The following RASSF3 variants were observed in gnomAD, a reference collection of about 807,000 sequenced individuals.
RASSF3 encodes the protein ras association domain-containing protein 3.
A neutral mutation model predicts 19.9 loss-of-function variants in RASSF3; 19 were observed. The observed-to-expected ratio is 0.96, with a 90% CI of 0.67 to 1.40. The LOEUF (loss-of-function observed/expected upper bound fraction) is 1.40. RASSF3 is among the 40% of genes most tolerant of loss of function. RASSF3 has a pLI of 0.00. For missense variants in RASSF3, 306 were observed against 289.8 expected (o/e 1.06, Z -0.41); for synonymous variants, 110 against 104.2 (o/e 1.06, Z -0.34).
chr12:64,594,889 A>G (rs1196068435), intron 2 of RASSF3, among the ~76,000 whole-genome samples: 4 of 151,922 alleles, frequency 2.6e-5, no homozygotes, highest in Non-Finnish European at 5.9e-5. Context: ...CTGGGACTAT[A>G]GGCAGGTACC....
At chr12:64,544,058 G>GA (rs1018819619), downstream of RASSF3, among the ~76,000 whole-genome samples, 1 of 152,162 alleles carries the variant, frequency 6.6e-6, no homozygotes, top group Admixed American at 6.5e-5. Flanking sequence ...CAGGCTGCCA[G>GA]AGCACGCCTT....
At chr12:64,680,044 C>T (rs1463092830) in intron 1 of RASSF3, among the ~76,000 whole-genome samples, 1 of 152,140 alleles carries the variant, frequency 6.6e-6, no homozygotes, top group Admixed American at 6.5e-5. Flanking sequence ...TGCTCTCACC[C>T]CTTTACCTGT....
chr12:64,641,418 G>A (rs56797884), intron 1 of RASSF3, among the ~76,000 whole-genome samples: 44,085 of 124,794 alleles, frequency 0.35, 6,943 homozygotes, highest in Non-Finnish European at 0.4. Flanking sequence ...ACACACACGC[G>A]CGCGCGCGCG....
chr12:64,556,923 G>A (rs1169831439), intron 2 of RASSF3, among the ~76,000 whole-genome samples: 3 of 143,892 alleles, frequency 2.1e-5, no homozygotes, highest in South Asian at 2.1e-4. Context: ...TGCAACCTCT[G>A]CTTCCCGGGT....
intron 1 of RASSF3, among the ~76,000 whole-genome samples, chr12:64,522,908 G>A (rs1019537040): frequency 3.3e-5 from 5 of 152,082 alleles, no homozygotes; most frequent in African/African-American, 7.2e-5. Context: ...CCACTCCTCC[G>A]GGCTGCTGGG....
intron 2 of RASSF3, among the ~76,000 whole-genome samples, chr12:64,573,662 G>A (rs1869553774): frequency 6.6e-6 from 1 of 152,192 alleles, no homozygotes; most frequent in South Asian, 2.1e-4. Flanking sequence ...GACAGAGACA[G>A]TTCCTTGCTA....
intron 1 of RASSF3, among the ~76,000 whole-genome samples, chr12:64,625,898 G>A (rs1185179592): frequency 6.6e-6 from 1 of 152,186 alleles, no homozygotes; most frequent in Non-Finnish European, 1.5e-5. Flanking sequence ...ACTCTTCAGA[G>A]TTCGTTTGTA....
intron 2 of RASSF3, among the ~76,000 whole-genome samples, chr12:64,594,298 C>T (rs2136141951): frequency 6.6e-6 from 1 of 152,182 alleles, no homozygotes; most frequent in Non-Finnish European, 1.5e-5. Context: ...TGCACCCCTG[C>T]ACTCCAGCCT....
At chr12:64,578,009 A>G (rs1230242469) in intron 2 of RASSF3, among the ~76,000 whole-genome samples, 2 of 152,072 alleles carry the variant, frequency 1.3e-5, no homozygotes, top group Non-Finnish European at 1.5e-5. Context: ...ACTTGAGGTC[A>G]GGAGTTTGAG....
intron 2 of RASSF3, among the ~76,000 whole-genome samples, chr12:64,573,469 T>C (rs1869551150): frequency 1.3e-5 from 2 of 152,232 alleles, no homozygotes; most frequent in African/African-American, 2.4e-5. Flanking sequence ...TTAACAAATA[T>C]GAAAAGGCAA....
At chr12:64,610,268 G>C (rs1381314656), upstream of RASSF3, among the ~76,000 whole-genome samples, 1 of 152,134 alleles carries the variant, frequency 6.6e-6, no homozygotes, top group South Asian at 2.1e-4. Flanking sequence ...CCTAGCGCCC[G>C]GCTTTCCGGG....
At chr12:64,528,812 C>G (rs559258425), upstream of RASSF3, among the ~76,000 whole-genome samples, 1 of 152,190 alleles carries the variant, frequency 6.6e-6, no homozygotes, top group Non-Finnish European at 1.5e-5. Context: ...AGCTGTGACT[C>G]GCAGTGACTG....
intron 1 of RASSF3, chr12:64,507,366 G>C (rs924573330): frequency 3.7e-5 from 14 of 380,666 alleles, no homozygotes; most frequent in Non-Finnish European, 5.6e-5. Context: ...TTTCAAATCC[G>C]TTTTTTTGTG....
intron 1 of RASSF3, among the ~76,000 whole-genome samples, chr12:64,624,808 A>G (rs943062307): frequency 3.7e-4 from 56 of 149,506 alleles, no homozygotes; most frequent in African/African-American, 1.3e-3. Context: ...ACAGGCGCCT[A>G]CCACCACCCC....
chr12:64,608,140 G>C (rs1870226458), upstream of RASSF3, among the ~76,000 whole-genome samples: 1 of 151,798 alleles, frequency 6.6e-6, no homozygotes. Context: ...GGCTGGATAG[G>C]AACTCCTGAG....
upstream of RASSF3, among the ~76,000 whole-genome samples, chr12:64,528,977 A>G (rs1487916144): frequency 4.6e-5 from 7 of 152,230 alleles, no homozygotes. Flanking sequence ...CCTCATCTGT[A>G]ACATCCTCAC....
intron 1 of RASSF3, among the ~76,000 whole-genome samples, chr12:64,644,431 C>G (rs1716517): frequency 0.28 from 43,194 of 151,992 alleles, 6,667 homozygotes; most frequent in Non-Finnish European, 0.36. Context: ...CAAGGTGGCT[C>G]ATGTCTATAA....
chr12:64,627,893 G>A (rs1484130161), intron 1 of RASSF3, among the ~76,000 whole-genome samples: 1 of 152,164 alleles, frequency 6.6e-6, no homozygotes, highest in Admixed American at 6.5e-5. Context: ...TGTGGCAAAT[G>A]GTTAGTTTAT....
intron 2 of RASSF3, among the ~76,000 whole-genome samples, chr12:64,604,698 C>T (rs539693322): frequency 1.7e-4 from 25 of 150,512 alleles, no homozygotes; most frequent in African/African-American, 5.4e-4. Flanking sequence ...AGTGCAGTGG[C>T]GCGATCTCGG....
Sources: allele counts gnomAD v4.1 joint callset (sites outside exome capture counted in the v4.1 genomes callset), GRCh38; gene constraint gnomAD v4.1.1; transcripts MANE v1.5; gene names NCBI Gene and HGNC (gene_info 2026-07-23, HGNC 2026-07-21).